The following ENPP3 variants were observed in gnomAD, a reference collection of about 807,000 sequenced individuals.
ENPP3 encodes the protein ectonucleotide pyrophosphatase/phosphodiesterase 3.
Under a neutral mutation model 117.8 loss-of-function variants are expected in ENPP3, and 104 were observed. The ratio of observed to expected loss-of-function variants is 0.88; its 90% CI spans 0.75 to 1.04. ENPP3 has a LOEUF of 1.04. Among genes scored for constraint, ENPP3 ranks in the 50% least tolerant of loss-of-function variants. The probability of loss-of-function intolerance (pLI) is 0.00; values close to 1 mark genes in which losing one functional copy is unlikely to be tolerated. For missense variants in ENPP3, 1,026 were observed against 1,051.9 expected, an observed-to-expected ratio of 0.98 and a Z score of 0.34; for synonymous variants, 380 against 349.9, an observed-to-expected ratio of 1.09 and a Z score of -0.96.
intron 1 of ENPP3, among the ~76,000 whole-genome samples, chr6:131,640,584 C>A (rs1367207357): frequency 6.6e-6 from 1 of 152,158 alleles, no homozygotes; most frequent in Non-Finnish European, 1.5e-5. Context: ...ATTATCTAAG[C>A]AAAATCTGAT....
Position 131,746,815 on chromosome 6 carries a change from A to AG in ENPP3, c.2488dup (p.Glu830GlyfsTer12). 1 of 1,609,944 alleles carries AG rather than the reference A, an allele frequency of 6.2e-7. No homozygotes were observed. The highest frequency in any genetic ancestry group is 1.1e-5 in the South Asian group (1 of 89,850). ...GTAAACCAGAAGCTCTTTGGGTTGA[A>AG]GAAAGATTTACAGCTCACATTGCCC... On this transcript the variant is annotated frameshift_variant, in exon 25 of 25. Transcript: ENST00000357639. LOFTEE classifies it high-confidence loss of function.
rs71030754 is a variant in ENPP3, at chr6:131,717,351, G to GGTGT, written c.1413-1270_1413-1267dup. Among the ~76,000 whole-genome samples the GGTGT allele has an allele frequency of 9.3e-3, 835 of 89,380 alleles. 5 individuals carry two copies. Among genetic ancestry groups the GGTGT allele is most frequent in the Admixed American group, 0.013 (115 of 8,924 alleles). The allele number at this position is 89,380 out of a possible 152,430, so 58.6% of individuals were successfully genotyped here. A position where few individuals can be genotyped will look rare whatever the true frequency, so the allele number is the denominator to read the frequency against. ...AAAAACAAACAGAAACCCTGCGGGG[G>GGTGT]GTGTGTGTGTGTGTGTGTGTGTGTG... On this transcript the variant is annotated intron_variant, in intron 15 of 24. Transcript: ENST00000357639.
chr6:131,746,169 G>T (rs1780631603), intron 24 of ENPP3, among the ~76,000 whole-genome samples: 1 of 151,914 alleles, frequency 6.6e-6, no homozygotes, highest in African/African-American at 2.4e-5. Context: ...CTTGAACACA[G>T]GAGGCATATA....
chr6:131,674,076 T>G, intron 7 of ENPP3, 86 bp from the exon 8 acceptor site: 1 of 777,414 alleles, frequency 1.3e-6, no homozygotes, highest in Non-Finnish European at 2.1e-6. Context: ...TTCTTAGGTA[T>G]GAGTAATAGA....
intron 24 of ENPP3, among the ~76,000 whole-genome samples, chr6:131,746,235 C>T (rs6929159): frequency 0.21 from 31,192 of 151,820 alleles, 3,550 homozygotes; most frequent in African/African-American, 0.29. Context: ...CAATATGTAA[C>T]GCAAAATTTA....
At chr6:131,722,429 A>G (rs1458406795) in intron 18 of ENPP3, 24 bp downstream of exon 18, 2 of 1,603,202 alleles carry the variant, frequency 1.2e-6, no homozygotes, top group Admixed American at 1.7e-5. Flanking sequence ...TCATGCATCC[A>G]TAAGAACGTA....
At chr6:131,655,797 A>G (rs1415130950) in intron 5 of ENPP3, among the ~76,000 whole-genome samples, 1 of 152,214 alleles carries the variant, frequency 6.6e-6, no homozygotes, top group African/African-American at 2.4e-5. Context: ...TGATTTGTCA[A>G]TCTTGATGCA....
intron 1 of ENPP3, among the ~76,000 whole-genome samples, chr6:131,640,903 A>G (rs1247031067): frequency 6.6e-6 from 1 of 152,240 alleles, no homozygotes; most frequent in Non-Finnish European, 1.5e-5. Context: ...GGCAGTTTCC[A>G]AATTATCCTA....
intron 1 of ENPP3, among the ~76,000 whole-genome samples, chr6:131,637,832 C>A (rs1000744408): frequency 1.7e-4 from 26 of 152,028 alleles, no homozygotes; most frequent in African/African-American, 6.0e-4. Context: ...GCTGAACCAA[C>A]AATTGTATCC....
chr6:131,707,198 AT>A (rs1177728372), intron 15 of ENPP3, among the ~76,000 whole-genome samples: 1 of 151,330 alleles, frequency 6.6e-6, no homozygotes, highest in Non-Finnish European at 1.5e-5. Context: ...CATTTTGTCC[AT>A]TTTGTCTATT....
intron 15 of ENPP3, among the ~76,000 whole-genome samples, chr6:131,717,045 G>A (rs943592328): frequency 2.0e-5 from 3 of 151,928 alleles, no homozygotes. Context: ...ACTAAGATAA[G>A]GAAATGAAGT....
rs370732506 is a variant in ENPP3, at chr6:131,722,835, C to T, written c.1746+430C>T. The stretch of plus-strand genomic sequence containing the variant: ...GACATACCCACTAGGGTAGGTGCTG[C>T]GGGGTGTTCCTTTGGGTAGCAGGGA... On this transcript the variant is annotated intron_variant, in intron 18 of 24. Coordinates refer to ENST00000357639, the MANE Select transcript of ENPP3 (RefSeq NM_005021.5). 1.3e-4 allele frequency among the ~76,000 whole-genome samples: 20 copies of T among 152,174 alleles called. No homozygotes were observed. The East Asian group carries it at 1.4e-3, about 10-fold the overall frequency.
chr6:131,676,786 T>A lies in ENPP3; in HGVS notation c.923T>A (p.Leu308Gln). The A allele has an allele frequency of 6.2e-7, 1 of 1,610,132 alleles. No individual in the cohort carries two copies. Among genetic ancestry groups the A allele is most frequent in the Non-Finnish European group, 8.5e-7 (1 of 1,176,476 alleles). Reference sequence around the variant, plus strand: ...TCTACACTGTTAAAATGGCTGGACCTGCCCAAAGCTGAAAGGTAATGTCTA... The same window carrying A: ...TCTACACTGTTAAAATGGCTGGACCAGCCCAAAGCTGAAAGGTAATGTCTA... ...RISTLLKWLDLPKAERPRFYT... is the reference protein window; with the variant it reads ...RISTLLKWLDQPKAERPRFYT... Residue 308 changes from leucine (L) to glutamine (Q), a missense_variant, in exon 10 of 25, where the codon CTG becomes CAG. Coordinates refer to ENST00000357639, the MANE Select transcript of ENPP3 (RefSeq NM_005021.5).
intron 11 of ENPP3, among the ~76,000 whole-genome samples, chr6:131,682,126 C>A (rs1490208594): frequency 6.6e-6 from 1 of 152,156 alleles, no homozygotes; most frequent in Non-Finnish European, 1.5e-5. Flanking sequence ...AGCCACCACA[C>A]CCTGCCCCAC....
chr6:131,699,235 C>CAA (rs4053087), intron 15 of ENPP3, among the ~76,000 whole-genome samples: 1,272 of 107,144 alleles, frequency 0.012, 3 homozygotes, highest in East Asian at 0.042. Context: ...AAGACTGTCT[C>CAA]AAAAAAAAAA....
At chr6:131,646,449 C>T (rs1001045192) in intron 2 of ENPP3, among the ~76,000 whole-genome samples, 4 of 152,054 alleles carry the variant, frequency 2.6e-5, no homozygotes, top group Admixed American at 6.6e-5. Flanking sequence ...TGTTCATTTT[C>T]AGAGTAAGGC....
chr6:131,666,213 A>G (rs7740541), intron 6 of ENPP3, among the ~76,000 whole-genome samples: 13,394 of 152,196 alleles, frequency 0.088, 1,408 homozygotes, highest in African/African-American at 0.25. Context: ...GCTTTAAAAA[A>G]AAAACCTGCT....
At chr6:131,740,698 CAA>C (rs2114579469) in intron 24 of ENPP3, among the ~76,000 whole-genome samples, 1 of 152,078 alleles carries the variant, frequency 6.6e-6, no homozygotes, top group Non-Finnish European at 1.5e-5. Flanking sequence ...TATAACATGA[CAA>C]TTGTATGTAT....
At chr6:131,672,139 A>G (rs998913337) in intron 7 of ENPP3, among the ~76,000 whole-genome samples, 2 of 152,220 alleles carry the variant, frequency 1.3e-5, no homozygotes, top group Admixed American at 6.5e-5. Context: ...GGTCATTTGC[A>G]GCCATCACAA....
Sources: allele counts gnomAD v4.1 joint callset (sites outside exome capture counted in the v4.1 genomes callset), GRCh38; gene constraint gnomAD v4.1.1; transcripts MANE v1.5; gene names NCBI Gene and HGNC (gene_info 2026-07-23, HGNC 2026-07-21).